Variants in MAGI2 observed in about 807,000 individuals in gnomAD.
The protein encoded by MAGI2 is membrane associated guanylate kinase, WW and PDZ domain containing 2, also known as membrane-associated guanylate kinase, WW and PDZ domain-containing protein 2.
A neutral mutation model predicts 133.3 loss-of-function variants in MAGI2; 35 were observed. The observed-to-expected ratio is 0.26, with a 90% CI of 0.20 to 0.35. MAGI2 has a LOEUF of 0.35. Ranked by LOEUF, MAGI2 falls within the 10% of genes least tolerant of loss-of-function variation. The pLI, the probability that MAGI2 is intolerant of heterozygous loss-of-function variation, is 1.00. For synonymous variants in MAGI2, 729 were observed against 710.6 expected, an observed-to-expected ratio of 1.03 and a Z score of -0.41; for missense variants, 1,636 against 1,863.4, an observed-to-expected ratio of 0.88 and a Z score of 2.25.
At chr7:79,238,357 T>C (rs1018925208) in intron 1 of MAGI2, among the ~76,000 whole-genome samples, 1 of 152,286 alleles carries the variant, frequency 6.6e-6, no homozygotes, top group African/African-American at 2.4e-5. Flanking sequence ...TTCACACTTC[T>C]CATGTGTTTC....
intron 2 of MAGI2, among the ~76,000 whole-genome samples, chr7:78,927,418 T>A (rs1351450200): frequency 1.3e-5 from 2 of 152,148 alleles, no homozygotes; most frequent in African/African-American, 4.8e-5. Flanking sequence ...TTCACCAAGT[T>A]CATTTAGGAA....
At chr7:78,344,438 G>T (rs920354537) in intron 8 of MAGI2, among the ~76,000 whole-genome samples, 32 of 151,902 alleles carry the variant, frequency 2.1e-4, no homozygotes, top group African/African-American at 7.5e-4. Flanking sequence ...ACATGGACTT[G>T]TGATTTTTTT....
At chr7:79,181,391 A>G (rs1371785960) in intron 1 of MAGI2, among the ~76,000 whole-genome samples, 1 of 151,972 alleles carries the variant, frequency 6.6e-6, no homozygotes, top group Non-Finnish European at 1.5e-5. Flanking sequence ...GGAAGCTACC[A>G]AGACTTGGGG....
chr7:78,965,131 T>C (rs1401769699), intron 2 of MAGI2, among the ~76,000 whole-genome samples: 1 of 151,376 alleles, frequency 6.6e-6, no homozygotes, highest in Non-Finnish European at 1.5e-5. Context: ...TTTAAAATAT[T>C]TGTATAAAAA....
chr7:78,202,490 C>T (rs1173376328), intron 10 of MAGI2, among the ~76,000 whole-genome samples: 2 of 151,862 alleles, frequency 1.3e-5, no homozygotes, highest in Non-Finnish European at 2.9e-5. Flanking sequence ...TGAGGTCAGC[C>T]TGGCCAACAT....
intron 1 of MAGI2, among the ~76,000 whole-genome samples, chr7:79,123,857 ATT>A (rs1265722737): frequency 1.3e-5 from 2 of 150,274 alleles, no homozygotes; most frequent in African/African-American, 4.9e-5. Flanking sequence ...CGTGGTATCT[ATT>A]TATTGAGCAG....
intron 21 of MAGI2, among the ~76,000 whole-genome samples, chr7:78,063,930 G>A (rs1813542871): frequency 6.6e-6 from 1 of 152,236 alleles, no homozygotes; most frequent in African/African-American, 2.4e-5. Context: ...GGGGTCACAG[G>A]TGGTGCTTGA....
At chr7:78,462,353 G>A (rs1790150774) in intron 6 of MAGI2, among the ~76,000 whole-genome samples, 1 of 152,102 alleles carries the variant, frequency 6.6e-6, no homozygotes, top group South Asian at 2.1e-4. Flanking sequence ...GCAGGATGAT[G>A]GCATAAAAAT....
intron 1 of MAGI2, among the ~76,000 whole-genome samples, chr7:79,216,868 G>A (rs1036592007): frequency 5.9e-5 from 9 of 152,000 alleles, no homozygotes; most frequent in African/African-American, 1.7e-4. Flanking sequence ...AGTTTTCTTC[G>A]CCAATAGATA....
intron 2 of MAGI2, among the ~76,000 whole-genome samples, chr7:78,876,201 T>C (rs1584247155): frequency 1.3e-5 from 2 of 151,392 alleles, no homozygotes; most frequent in South Asian, 4.2e-4. Flanking sequence ...TGGGCACCTG[T>C]AATCCCAGCT....
chr7:78,512,468 C>T (rs1306774943), intron 4 of MAGI2, among the ~76,000 whole-genome samples: 4 of 152,102 alleles, frequency 2.6e-5, no homozygotes, highest in Admixed American at 1.3e-4. Flanking sequence ...TGTAGTGGTG[C>T]GATCTCAGCT....
intron 3 of MAGI2, among the ~76,000 whole-genome samples, chr7:78,604,216 G>T (rs555839714): frequency 2.0e-5 from 3 of 152,226 alleles, no homozygotes; most frequent in African/African-American, 7.2e-5. Context: ...GAACAGGAAA[G>T]TTCTTTAGAC....
At chr7:78,583,784 A>G (rs1803100966) in intron 3 of MAGI2, among the ~76,000 whole-genome samples, 1 of 152,214 alleles carries the variant, frequency 6.6e-6, no homozygotes, top group African/African-American at 2.4e-5. Context: ...TATTCTAGAC[A>G]GTACTGAAGA....
intron 1 of MAGI2, among the ~76,000 whole-genome samples, chr7:79,242,347 T>C (rs1464615374): frequency 6.6e-6 from 1 of 152,176 alleles, no homozygotes; most frequent in African/African-American, 2.4e-5. Flanking sequence ...TGTAATTTCA[T>C]TGACCATTTC....
At chr7:78,150,212 G>C (rs1168874969) in intron 16 of MAGI2, among the ~76,000 whole-genome samples, 2 of 152,052 alleles carry the variant, frequency 1.3e-5, no homozygotes, top group Non-Finnish European at 2.9e-5. Flanking sequence ...TTTTATCCCA[G>C]GCCAAATGGG....
chr7:79,267,815 C>T (rs1397451499), intron 1 of MAGI2, among the ~76,000 whole-genome samples: 2 of 152,102 alleles, frequency 1.3e-5, no homozygotes, highest in Admixed American at 1.3e-4. Context: ...TAAATAACAC[C>T]CTCTTCATAG....
At chr7:79,020,329 A>G (rs115089437) in intron 1 of MAGI2, among the ~76,000 whole-genome samples, 176 of 152,352 alleles carry the variant, frequency 1.2e-3, no homozygotes, top group African/African-American at 3.7e-3. Flanking sequence ...ATGTATTCAC[A>G]AAAATATGTT....
intron 1 of MAGI2, among the ~76,000 whole-genome samples, chr7:79,377,579 C>T (rs561696040): frequency 4.0e-5 from 6 of 151,870 alleles, no homozygotes; most frequent in Non-Finnish European, 8.8e-5. Flanking sequence ...GCCAAAACAG[C>T]AGTTACATGA....
intron 9 of MAGI2, among the ~76,000 whole-genome samples, chr7:78,265,983 A>G (rs1584627368): frequency 6.6e-6 from 1 of 152,002 alleles, no homozygotes. Context: ...AGTTTATTCT[A>G]CTCTACCCGC....
Sources: allele counts gnomAD v4.1 joint callset (sites outside exome capture counted in the v4.1 genomes callset), GRCh38; gene constraint gnomAD v4.1.1; transcripts MANE v1.5; gene names NCBI Gene and HGNC (gene_info 2026-07-23, HGNC 2026-07-21).